TCF4: variants seen among roughly 807,000 people sequenced by gnomAD.
The protein encoded by TCF4 is transcription factor 4, also known as SL3-3 enhancer factor 2.
A neutral mutation model predicts 82.1 loss-of-function variants in TCF4; 3 were observed. The ratio of observed to expected loss-of-function variants is 0.04; its 90% CI spans 0.02 to 0.09. TCF4 has a LOEUF of 0.09. TCF4 is among the 10% of genes least tolerant of loss of function. The pLI, the probability that TCF4 is intolerant of heterozygous loss-of-function variation, is 1.00. For synonymous variants in TCF4, 276 were observed against 309.6 expected (o/e 0.89, Z 1.14); for missense variants, 518 against 852.7 (o/e 0.61, Z 4.89).
chr18:55,423,981 C>T (rs780973796), intron 5 of TCF4, among the ~76,000 whole-genome samples: 9 of 152,152 alleles, frequency 5.9e-5, no homozygotes, highest in Non-Finnish European at 1.2e-4. Context: ...GGTCTTCCTC[C>T]TTCTGCCATC....
chr18:55,318,142 T>C (rs546023426), intron 8 of TCF4, among the ~76,000 whole-genome samples: 2 of 152,148 alleles, frequency 1.3e-5, no homozygotes, highest in Non-Finnish European at 2.9e-5. Flanking sequence ...ACTTTTGTTT[T>C]CAGTTTTATT....
chr18:55,348,408 ATCT>A (rs954167050), intron 8 of TCF4, among the ~76,000 whole-genome samples: 1 of 152,186 alleles, frequency 6.6e-6, no homozygotes, highest in African/African-American at 2.4e-5. Flanking sequence ...GTCAAGATAA[ATCT>A]TCTAAGAAGA....
chr18:55,447,823 G>C (rs2095552411), intron 5 of TCF4, among the ~76,000 whole-genome samples: 2 of 152,150 alleles, frequency 1.3e-5, no homozygotes, highest in Non-Finnish European at 2.9e-5. Context: ...AATGAAGACA[G>C]CTAAGATATG....
chr18:55,230,220 C>T (rs2047518641), intron 17 of TCF4: 1 of 146,884 alleles, frequency 6.8e-6, no homozygotes, highest in South Asian at 2.2e-4. Flanking sequence ...TGATTCATAA[C>T]AAATGCATGG....
chr18:55,398,118 C>T (rs1283960276), intron 6 of TCF4, among the ~76,000 whole-genome samples: 2 of 152,116 alleles, frequency 1.3e-5, no homozygotes, highest in African/African-American at 2.4e-5. Flanking sequence ...ATCTAACACA[C>T]CACTACAGGG....
intron 3 of TCF4, among the ~76,000 whole-genome samples, chr18:55,490,076 A>C (rs757293676): frequency 6.6e-6 from 1 of 152,318 alleles, no homozygotes; most frequent in Middle Eastern, 3.4e-3. Context: ...TAATCCCCAC[A>C]TTTTTAGTTA....
chr18:55,548,189 T>A (rs2097222903), intron 3 of TCF4, among the ~76,000 whole-genome samples: 1 of 152,274 alleles, frequency 6.6e-6, no homozygotes, highest in African/African-American at 2.4e-5. Flanking sequence ...ATGATTAACA[T>A]GTGGATTTAC....
chr18:55,589,828 G>T (rs866154563), upstream of TCF4: 2 of 1,005,484 alleles, frequency 2.0e-6, no homozygotes, highest in Non-Finnish European at 1.2e-6. Flanking sequence ...CTGCGGCCGC[G>T]GCTGCTCCTC....
chr18:55,540,404 C>T (rs1215850460), intron 3 of TCF4, among the ~76,000 whole-genome samples: 1 of 152,068 alleles, frequency 6.6e-6, no homozygotes, highest in Non-Finnish European at 1.5e-5. Flanking sequence ...AAATTTAACA[C>T]ATGAACTTGA....
Position 55,279,567 on chromosome 18 carries a change from G to A in TCF4, c.639C>T (p.Ser213=), listed in dbSNP as rs771829952. Reference sequence around the variant, plus strand: ...GCATCTTACCTTGCATGAAGAAGGAGCTAGGGAAAGTGCTGGTTGCTGGTT... The same window carrying A: ...GCATCTTACCTTGCATGAAGAAGGAACTAGGGAAAGTGCTGGTTGCTGGTT... ...SSKPATSTFP[S]SFFMQDGHHS... The change falls in exon 9 of 20, where the codon AGC becomes AGT. Residue 213 remains serine (S), a synonymous_variant. Coordinates refer to ENST00000354452, the MANE Select transcript of TCF4 (RefSeq NM_001083962.2). 2.9e-5 allele frequency: 47 copies of A among 1,613,850 alleles called. No homozygotes were observed. The Admixed American group carries it at 7.8e-4, about 27-fold the overall frequency.
chr18:55,329,618 C>T (rs1489740709), intron 8 of TCF4, among the ~76,000 whole-genome samples: 1 of 152,106 alleles, frequency 6.6e-6, no homozygotes, highest in Non-Finnish European at 1.5e-5. Flanking sequence ...TTAACATTAA[C>T]CCAGCTGAAT....
At chr18:55,319,566 G>C (rs2074992113) in intron 8 of TCF4, among the ~76,000 whole-genome samples, 2 of 151,740 alleles carry the variant, frequency 1.3e-5, no homozygotes, top group Admixed American at 6.6e-5. Flanking sequence ...TCTAGTGTTT[G>C]AATCAATAGA....
chr18:55,400,778 C>A, intron 6 of TCF4: 1 of 327,408 alleles, frequency 3.1e-6, no homozygotes, highest in Non-Finnish European at 5.8e-6. Flanking sequence ...TGTTGCTTAC[C>A]ACCACTCTGT....
chr18:55,589,768 C>G (rs2097680409), upstream of TCF4: 2 of 1,013,712 alleles, frequency 2.0e-6, no homozygotes, highest in East Asian at 6.9e-5. Flanking sequence ...CTGAAAGATA[C>G]ATTGTAATCC....
chr18:55,539,442 T>A (rs145423097), intron 3 of TCF4, among the ~76,000 whole-genome samples: 51 of 152,144 alleles, frequency 3.4e-4, no homozygotes, highest in Non-Finnish European at 6.3e-4. Context: ...CCACAAGCCA[T>A]AAAATTAATG....
intron 2 of TCF4, among the ~76,000 whole-genome samples, chr18:55,605,858 A>G (rs560647599): frequency 9.3e-4 from 142 of 152,298 alleles, no homozygotes; most frequent in Non-Finnish European, 1.8e-3. Context: ...GCATTCCAAA[A>G]TATGTTTCAC....
At chr18:55,277,757 G>C (rs1601182008) in intron 9 of TCF4, among the ~76,000 whole-genome samples, 2 of 152,010 alleles carry the variant, frequency 1.3e-5, no homozygotes, top group South Asian at 4.1e-4. Context: ...CACTTTCCTG[G>C]GCAGATAGAA....
At chr18:55,391,955 C>CTTTTTTTTTTT (rs1212656712) in intron 6 of TCF4, among the ~76,000 whole-genome samples, 4 of 61,710 alleles carry the variant, frequency 6.5e-5, no homozygotes, top group African/African-American at 9.1e-5. Flanking sequence ...AAAAAAAAAT[C>CTTTTTTTTTTT]TTTTTTTTTT....
chr18:55,592,005 T>G (rs1448351101), upstream of TCF4, among the ~76,000 whole-genome samples: 2 of 152,208 alleles, frequency 1.3e-5, no homozygotes, highest in African/African-American at 2.4e-5. Flanking sequence ...TTTTGTCTTC[T>G]TTTTGTTTTT....
Sources: allele counts gnomAD v4.1 joint callset (sites outside exome capture counted in the v4.1 genomes callset), GRCh38; gene constraint gnomAD v4.1.1; transcripts MANE v1.5; gene names NCBI Gene and HGNC (gene_info 2026-07-23, HGNC 2026-07-21).